RNF157: variants seen among roughly 807,000 people sequenced by gnomAD.
RNF157 encodes the protein E3 ubiquitin ligase RNF157.
Under a neutral mutation model 88.3 loss-of-function variants are expected in RNF157, and 55 were observed. The observed-to-expected ratio is 0.62, with a 90% CI of 0.50 to 0.78. The LOEUF is 0.78. RNF157 is among the 30% of genes least tolerant of loss of function. RNF157 has a pLI of 0.00. For missense variants in RNF157, 788 were observed against 860.8 expected, an observed-to-expected ratio of 0.92 and a Z score of 1.06; for synonymous variants, 334 against 341.2, an observed-to-expected ratio of 0.98 and a Z score of 0.23.
intron 9 of RNF157, 23 bp from the exon 10 acceptor site, chr17:76,162,025 A>T: frequency 6.2e-7 from 1 of 1,608,808 alleles, no homozygotes; most frequent in East Asian, 2.2e-5. Context: ...AAAGAAATGT[A>T]GCCAATGGCA....
intron 1 of RNF157, among the ~76,000 whole-genome samples, chr17:76,239,738 C>T (rs1034777193): frequency 6.6e-6 from 1 of 152,180 alleles, no homozygotes. Context: ...TCGCCTCCCT[C>T]GCGGCCCTCG....
intron 18 of RNF157, among the ~76,000 whole-genome samples, chr17:76,148,671 A>G (rs2068625847): frequency 6.7e-6 from 1 of 148,868 alleles, no homozygotes; most frequent in Non-Finnish European, 1.5e-5. Context: ...CCCAGGCTCA[A>G]TTGATCCTCC....
Position 76,166,507 on chromosome 17 carries a change from T to C in RNF157, c.582A>G (p.Arg194=). The C allele has an allele frequency of 6.2e-7, 1 of 1,613,636 alleles. No homozygotes were observed. Among genetic ancestry groups the C allele is most frequent in the South Asian group, 1.1e-5 (1 of 91,054 alleles). The change falls in exon 6 of 19, where the codon CGA becomes CGG. Residue 194 remains arginine (R), a synonymous_variant. Coordinates refer to ENST00000269391, the MANE Select transcript of RNF157 (RefSeq NM_052916.3). ...AEEELGFDLD[R]EVYPLVVHAV... ...CATGTACCACTAGAGGGTAAACTTC[T>C]CGGTCTAAATCAAAGCCAAGCTGAA...
intron 2 of RNF157, among the ~76,000 whole-genome samples, chr17:76,191,853 G>T (rs2069392039): frequency 6.6e-6 from 1 of 152,110 alleles, no homozygotes. Flanking sequence ...TATTTGATTG[G>T]CCGGGAAAGA....
chr17:76,177,133 C>CGGCCCT (rs2069117069), intron 2 of RNF157, among the ~76,000 whole-genome samples: 1 of 151,148 alleles, frequency 6.6e-6, no homozygotes, highest in African/African-American at 2.5e-5. Flanking sequence ...ACACTGGCCC[C>CGGCCCT]GGCCCTGGCC....
Position 76,152,629 on chromosome 17 carries a change from T to C in RNF157, c.1811-164A>G, listed in dbSNP as rs907150509. The C allele has an allele frequency of 1.7e-5, 10 of 585,610 alleles. No individual in the cohort carries two copies. In the Admixed American group the frequency reaches 2.9e-4, roughly 17 times the overall value. 36.3% of individuals were successfully genotyped at this position (585,610 alleles called of 1,614,324 possible). ...AAGAGTGGACAAGAAAGGAATCACG[T>C]TGTGTGGGCATGTCTGTGTTCTCGC... On this transcript the variant is annotated intron_variant, in intron 17 of 18. Transcript: ENST00000269391.
intron 3 of RNF157, among the ~76,000 whole-genome samples, chr17:76,171,186 C>G (rs1038519413): frequency 6.7e-6 from 1 of 149,088 alleles, no homozygotes; most frequent in Admixed American, 6.7e-5. Flanking sequence ...GCCACTGCAC[C>G]GGGCCTTATT....
chr17:76,155,857 C>A, intron 14 of RNF157, 123 bp from the exon 15 acceptor site: 1 of 876,446 alleles, frequency 1.1e-6, no homozygotes, highest in South Asian at 2.0e-5. Flanking sequence ...GTATCTTGCC[C>A]TCCCCTAAAA....
At chr17:76,192,049 C>T (rs536896582) in intron 2 of RNF157, among the ~76,000 whole-genome samples, 1 of 152,158 alleles carries the variant, frequency 6.6e-6, no homozygotes, top group Non-Finnish European at 1.5e-5. Flanking sequence ...CTTTGAAATG[C>T]AAAACCAGTA....
intron 2 of RNF157, among the ~76,000 whole-genome samples, chr17:76,194,656 C>G (rs2069443214): frequency 6.6e-6 from 1 of 152,172 alleles, no homozygotes; most frequent in South Asian, 2.1e-4. Flanking sequence ...GATAACTCTG[C>G]TTTCTTCTGA....
At chr17:76,163,188 TCC>T (rs1744858177) in intron 8 of RNF157, 2 of 138,234 alleles carry the variant, frequency 1.4e-5, no homozygotes, top group Non-Finnish European at 3.0e-5. Flanking sequence ...TGGCCCTGTT[TCC>T]TTTTTTTTTT....
chr17:76,183,305 T>G (rs1322705485), intron 2 of RNF157, among the ~76,000 whole-genome samples: 1 of 152,082 alleles, frequency 6.6e-6, no homozygotes, highest in African/African-American at 2.4e-5. Flanking sequence ...TTCAGCTAGT[T>G]TGGGGTAGGA....
chr17:76,237,481 CA>C (rs1282632670), intron 1 of RNF157, among the ~76,000 whole-genome samples: 1 of 152,222 alleles, frequency 6.6e-6, no homozygotes, highest in Non-Finnish European at 1.5e-5. Context: ...TTCTCAAAAT[CA>C]ACCCAGGTTG....
Position 76,146,476 on chromosome 17 carries a change from T to C in RNF157, c.1922-1123A>G, listed in dbSNP as rs1598379179. On this transcript the variant is annotated intron_variant, in intron 18 of 18. Transcript: ENST00000269391. This position sits in a 1 kb window ranked among gnomAD's most constrained non-coding sequence, Gnocchi z 4.2. ...CCTCCCTCCAGTGAGGCTAGGGCGC[T>C]CCTGCCTTGGGCCTCGGCTGCCTCC... 1.0e-5 allele frequency: 10 copies of C among 985,652 alleles called. No homozygotes were observed. Among genetic ancestry groups the C allele is most frequent in the Non-Finnish European group, 1.2e-5 (10 of 830,148 alleles). 61.1% of individuals were successfully genotyped at this position (985,652 alleles called of 1,614,324 possible).
rs1329213995 is a variant in RNF157, at chr17:76,159,505, G to C, written c.1134C>G (p.Thr378=). The part of the protein sequence containing the change: ...SLLEALNGPL[T]PSPAVPPLHV... ...GAAGTGGAGGAACTGCTGGGGACGG[G>C]GTGAGGGGCCCGTTGAGGGCCTCCA... The change falls in exon 12 of 19, where the codon ACC becomes ACG. Residue 378 remains threonine, a synonymous_variant. Coordinates refer to ENST00000269391, the MANE Select transcript of RNF157 (RefSeq NM_052916.3). 6.2e-7 allele frequency: 1 copy of C among 1,608,422 alleles called. No individual in the cohort carries two copies. Among genetic ancestry groups the C allele is most frequent in the African/African-American group, 1.3e-5 (1 of 74,522 alleles).
chr17:76,230,858 A>AAG lies in RNF157; in HGVS notation c.88+9293_88+9294dup, dbSNP rs1157555551. 1.1e-3 allele frequency among the ~76,000 whole-genome samples: 60 copies of AAG among 55,074 alleles called. 1 individual carries two copies. Among genetic ancestry groups the AAG allele is most frequent in the Admixed American group, 4.3e-3 (20 of 4,698 alleles). The allele number at this position is 55,074 out of a possible 152,430, so 36.1% of individuals were successfully genotyped here. The stretch of plus-strand genomic sequence containing the variant: ...ATCTAAAAAAAAAAAAAAAAAAAAA[A>AAG]AGAGAGAGAGAGAGAGAGAGAAAGA... On this transcript the variant is annotated intron_variant, in intron 1 of 18. Transcript: ENST00000269391.
intron 2 of RNF157, among the ~76,000 whole-genome samples, chr17:76,210,601 A>AAAAGAAAGAAAG (rs1555660855): frequency 1.3e-5 from 2 of 148,418 alleles, no homozygotes; most frequent in Non-Finnish European, 3.0e-5. Context: ...AAAAAAAAAA[A>AAAAGAAAGAAAG]AAAGAAAGAA....
intron 17 of RNF157, 28 bp downstream of exon 17, chr17:76,154,255 G>C: frequency 1.9e-6 from 3 of 1,538,908 alleles, no homozygotes; most frequent in Middle Eastern, 1.7e-4. Context: ...GATAACTAAA[G>C]GAAGTAAAGG....
rs535226941 is a variant in RNF157 at position 76,145,321 on chromosome 17, G to C, written c.1954C>G (p.Arg652Gly). Residue 652 changes from arginine (R) to glycine (G), a missense_variant, in exon 19 of 19, where the codon CGG becomes GGG. By Grantham distance (125) the Arg-to-Gly change is moderately radical. Coordinates refer to ENST00000269391, the MANE Select transcript of RNF157 (RefSeq NM_052916.3). ...AWQADDNAVS[R>G]NAQRRRLSSS... is the part of the protein sequence containing the mutation. ...GACAAGCGCCGGCGCTGGGCATTCC[G>C]ACTGACGGCATTGTCATCAGCCTGC... 1 of 1,612,916 alleles carries C rather than the reference G, an allele frequency of 6.2e-7. No individual in the cohort carries two copies. Among genetic ancestry groups the C allele is most frequent in the Non-Finnish European group, 8.5e-7 (1 of 1,179,624 alleles).
Sources: gnomAD v4.1 joint callset for allele counts (sites outside exome capture counted in the v4.1 genomes callset) on GRCh38, gnomAD v4.1.1 for gene constraint, Gnocchi (gnomAD v3.1) non-coding constraint, MANE v1.5 for transcripts, NCBI Gene and HGNC (gene_info 2026-07-23, HGNC 2026-07-21) for gene names.